The following PAX5 variants were observed in gnomAD, a reference collection of about 807,000 sequenced individuals.
The protein encoded by PAX5 is paired box protein Pax-5.
PAX5 carries 9 observed loss-of-function variants against 43.7 expected under a neutral mutation model. The ratio of observed to expected loss-of-function variants is 0.21; its 90% CI spans 0.12 to 0.36. The LOEUF (loss-of-function observed/expected upper bound fraction) is 0.36, where lower values mean the gene tolerates loss of function less well. PAX5 is among the 10% of genes least tolerant of loss of function. The pLI is 1.00. For missense variants in PAX5, 383 were observed against 532.7 expected, an observed-to-expected ratio of 0.72 and a Z score of 2.77; for synonymous variants, 228 against 214.3, an observed-to-expected ratio of 1.06 and a Z score of -0.56.
intron 6 of PAX5, among the ~76,000 whole-genome samples, chr9:36,925,904 T>C (rs1231315511): frequency 1.3e-5 from 2 of 152,050 alleles, no homozygotes; most frequent in African/African-American, 2.4e-5. Flanking sequence ...GAAGTGTGAG[T>C]CCCACCCTCA....
At chr9:37,020,827 A>T (rs767041068) in intron 1 of PAX5, 26 bp from the exon 2 acceptor site, 19 of 1,612,382 alleles carry the variant, frequency 1.2e-5, no homozygotes, top group African/African-American at 2.7e-5. Context: ...AACAAAAGGA[A>T]AGGGAAAGGG....
intron 6 of PAX5, among the ~76,000 whole-genome samples, chr9:36,943,609 C>T (rs1024875986): frequency 6.7e-6 from 1 of 150,254 alleles, no homozygotes; most frequent in African/African-American, 2.4e-5. Flanking sequence ...AAAAGAAGGC[C>T]TAAGGATCAC....
At chr9:37,019,361 T>C (rs1253295922) in intron 2 of PAX5, among the ~76,000 whole-genome samples, 1 of 152,126 alleles carries the variant, frequency 6.6e-6, no homozygotes, top group Non-Finnish European at 1.5e-5. Flanking sequence ...TGCTGAGTGC[T>C]AAACAGGAGT....
chr9:36,852,458 C>T (rs1241183239), intron 8 of PAX5, among the ~76,000 whole-genome samples: 3 of 152,166 alleles, frequency 2.0e-5, no homozygotes, highest in East Asian at 3.9e-4. Context: ...GAGGGGAGGG[C>T]TGCGTGGGAA....
At chr9:36,863,826 AG>A (rs575341427) in intron 8 of PAX5, among the ~76,000 whole-genome samples, 93 of 142,214 alleles carry the variant, frequency 6.5e-4, no homozygotes, top group Middle Eastern at 7.5e-3. Flanking sequence ...AGTGCACAGT[AG>A]GGGCCGGGCG....
chr9:36,916,859 A>T (rs1309623903), intron 7 of PAX5, among the ~76,000 whole-genome samples: 1 of 151,956 alleles, frequency 6.6e-6, no homozygotes, highest in African/African-American at 2.4e-5. Context: ...TAATTTTTGT[A>T]TTTTTGGTAG....
intron 5 of PAX5, among the ~76,000 whole-genome samples, chr9:36,997,907 G>GAC (rs1440141751): frequency 6.6e-6 from 1 of 152,240 alleles, no homozygotes; most frequent in Non-Finnish European, 1.5e-5. Context: ...TGCACTTGCA[G>GAC]ACACAGTACT....
chr9:36,885,249 C>T (rs1222275502), intron 7 of PAX5, among the ~76,000 whole-genome samples: 2 of 152,108 alleles, frequency 1.3e-5, no homozygotes, highest in Non-Finnish European at 2.9e-5. Flanking sequence ...AACCTGATGA[C>T]ACTGTGTGGG....
chr9:36,974,475 T>C (rs931510953), intron 5 of PAX5, among the ~76,000 whole-genome samples: 7 of 152,262 alleles, frequency 4.6e-5, no homozygotes, highest in African/African-American at 1.2e-4. Context: ...ACTTTACAGA[T>C]GAGAAAACAG....
intron 6 of PAX5, among the ~76,000 whole-genome samples, chr9:36,946,429 AT>A (rs1422484038): frequency 6.6e-6 from 1 of 152,186 alleles, no homozygotes; most frequent in Non-Finnish European, 1.5e-5. Context: ...GGAAAATAAG[AT>A]TCCCCACAAC....
At chr9:36,966,278 A>G (rs1030512351) in intron 6 of PAX5, among the ~76,000 whole-genome samples, 4 of 152,210 alleles carry the variant, frequency 2.6e-5, no homozygotes, top group Non-Finnish European at 5.9e-5. Context: ...GCCCTTGGAA[A>G]GGACACCAGA....
intron 8 of PAX5, among the ~76,000 whole-genome samples, chr9:36,868,647 G>A (rs144120048): frequency 3.9e-4 from 60 of 152,224 alleles, no homozygotes; most frequent in Middle Eastern, 6.8e-3. Context: ...GAGTTAGGAA[G>A]GCCACCTATG....
At chr9:36,913,716 T>A (rs1829497910) in intron 7 of PAX5, among the ~76,000 whole-genome samples, 1 of 152,176 alleles carries the variant, frequency 6.6e-6, no homozygotes, top group African/African-American at 2.4e-5. Flanking sequence ...TCTAATGAGA[T>A]CTTCCCTGAG....
intron 5 of PAX5, among the ~76,000 whole-genome samples, chr9:36,972,797 G>A (rs555263767): frequency 3.7e-4 from 56 of 152,302 alleles, no homozygotes; most frequent in African/African-American, 1.2e-3. Context: ...GGAGGCCGAG[G>A]CAGGCAAATC....
chr9:36,957,964 C>T (rs1423642325), intron 6 of PAX5, among the ~76,000 whole-genome samples: 2 of 152,184 alleles, frequency 1.3e-5, no homozygotes, highest in Admixed American at 6.5e-5. Flanking sequence ...CCCAGGGGTA[C>T]CCTCTGGGTG....
chr9:36,930,333 C>T (rs1009369488), intron 6 of PAX5, among the ~76,000 whole-genome samples: 4 of 151,176 alleles, frequency 2.6e-5, no homozygotes, highest in African/African-American at 9.7e-5. Flanking sequence ...AAGGGATCCT[C>T]CCACCTCAGC....
chr9:36,962,446 G>A (rs1834052378), intron 6 of PAX5, among the ~76,000 whole-genome samples: 1 of 152,176 alleles, frequency 6.6e-6, no homozygotes, highest in Non-Finnish European at 1.5e-5. Context: ...TATACAATGG[G>A]GCTCCCGAAT....
intron 8 of PAX5, among the ~76,000 whole-genome samples, chr9:36,871,477 T>A (rs1224792333): frequency 6.6e-6 from 1 of 152,186 alleles, no homozygotes; most frequent in Non-Finnish European, 1.5e-5. Flanking sequence ...CAGGCCCACC[T>A]TGACCCTGCA....
At chr9:36,841,576 G>C (rs1248297603) in intron 9 of PAX5, among the ~76,000 whole-genome samples, 1 of 152,208 alleles carries the variant, frequency 6.6e-6, no homozygotes, top group Non-Finnish European at 1.5e-5. Flanking sequence ...CAGATGGAGA[G>C]CCCCCAAAAG....
Sources: allele counts gnomAD v4.1 joint callset (sites outside exome capture counted in the v4.1 genomes callset), GRCh38; gene constraint gnomAD v4.1.1; transcripts MANE v1.5; gene names NCBI Gene and HGNC (gene_info 2026-07-23, HGNC 2026-07-21).